FBXL13: variants seen among roughly 807,000 people sequenced by gnomAD.
FBXL13 encodes F-box and leucine-rich repeat protein 13.
A neutral mutation model predicts 83.6 loss-of-function variants in FBXL13; 67 were observed. The observed-to-expected ratio is 0.80, with a 90% CI of 0.66 to 0.98. The LOEUF (loss-of-function observed/expected upper bound fraction) is 0.98, where lower values mean the gene tolerates loss of function less well. Ranked by LOEUF, FBXL13 falls within the 50% of genes least tolerant of loss-of-function variation. FBXL13 has a pLI of 0.00. For synonymous variants in FBXL13, 272 were observed against 299.5 expected (o/e 0.91, Z 0.95); for missense variants, 822 against 866.5 (o/e 0.95, Z 0.64).
intron 2 of FBXL13, among the ~76,000 whole-genome samples, chr7:103,040,570 G>A (rs143619505): frequency 0.011 from 1,672 of 152,128 alleles, 35 homozygotes; most frequent in African/African-American, 0.039. Context: ...CCACATAATT[G>A]GTAGTAAAAC....
chr7:102,834,283 C>A (rs1442321805), intron 17 of FBXL13, among the ~76,000 whole-genome samples: 3 of 149,914 alleles, frequency 2.0e-5, no homozygotes, highest in African/African-American at 7.3e-5. Context: ...AAGTTAGAGA[C>A]CTCAGTAAAT....
chr7:102,944,228 C>CA (rs1265469981), intron 8 of FBXL13: 1 of 1,607,886 alleles, frequency 6.2e-7, no homozygotes. Context: ...TTAGGGCTCA[C>CA]ACATTTAGAA....
chr7:102,935,242 C>CTTTTTTTTTTTTTTTTTT (rs71106700), intron 8 of FBXL13, among the ~76,000 whole-genome samples: 4 of 76,402 alleles, frequency 5.2e-5, no homozygotes, highest in African/African-American at 2.3e-4. Context: ...TTTTTTCTTT[C>CTTTTTTTTTTTTTTTTTT]TTTTTTTTTT....
rs190146923 is a variant in FBXL13 at position 102,849,285 on chromosome 7, A to G, written c.1719+5492T>C. The stretch of plus-strand genomic sequence containing the variant: ...TAATCATTGAATGTCTGTTGTTCTC[A>G]GAAAAGAACTAACGTTGGAGAAAGT... On this transcript the variant is annotated intron_variant, in intron 17 of 19. Transcript: ENST00000313221. Among the ~76,000 whole-genome samples the G allele has an allele frequency of 3.9e-5, 6 of 152,352 alleles. 1 individual carries two copies. The highest frequency in any genetic ancestry group is 2.6e-4 in the Admixed American group (4 of 15,306).
intron 2 of FBXL13, among the ~76,000 whole-genome samples, chr7:103,050,232 C>A (rs565471832): frequency 3.3e-4 from 50 of 152,180 alleles, no homozygotes; most frequent in Non-Finnish European, 4.9e-4. Context: ...ATTCATTTAA[C>A]CATTTTGCAC....
Position 103,053,794 on chromosome 7 carries a change from T to C in FBXL13, c.-1+1850A>G, listed in dbSNP as rs180865796. On this transcript the variant is annotated intron_variant, in intron 2 of 19. Transcript: ENST00000313221. ...CACTCCATAGGTCAAAAGTCTGTGG[T>C]TAATAAAGTACTATAAAAACACCTA... 3.1e-3 allele frequency among the ~76,000 whole-genome samples: 477 copies of C among 152,206 alleles called. 2 individuals carry two copies. The highest frequency in any genetic ancestry group is 2.7e-3 in the Non-Finnish European group (184 of 68,004).
intron 6 of FBXL13, among the ~76,000 whole-genome samples, chr7:103,000,232 G>A (rs1406408918): frequency 6.6e-6 from 1 of 152,090 alleles, no homozygotes; most frequent in Non-Finnish European, 1.5e-5. Flanking sequence ...TTCAGGCTGG[G>A]CATGGTGGCT....
rs560270237 is a variant in FBXL13 at position 102,936,614 on chromosome 7, T to C, written c.725-4681A>G. On this transcript the variant is annotated intron_variant, in intron 8 of 19. Transcript: ENST00000313221. Reference sequence around the variant, plus strand: ...TTAGATTGAAAACTGGAATTATATATTTTTAATACTAATACAAAGCTACTC... The same window carrying C: ...TTAGATTGAAAACTGGAATTATATACTTTTAATACTAATACAAAGCTACTC... Among the ~76,000 whole-genome samples the C allele has an allele frequency of 2.6e-5, 4 of 152,326 alleles. No individual in the cohort carries two copies. The South Asian group carries it at 8.3e-4, about 32-fold the overall frequency.
chr7:102,921,846 C>T (rs746402402), intron 10 of FBXL13, among the ~76,000 whole-genome samples: 7 of 152,064 alleles, frequency 4.6e-5, no homozygotes, highest in Non-Finnish European at 1.0e-4. Context: ...AAAGCAGAAG[C>T]TCAACTGAAG....
At chr7:103,070,281 G>A (rs1021682480) in intron 1 of FBXL13, among the ~76,000 whole-genome samples, 3 of 151,930 alleles carry the variant, frequency 2.0e-5, no homozygotes, top group African/African-American at 7.3e-5. Flanking sequence ...ACCCAGGCTG[G>A]AGTGTAATGG....
chr7:102,936,660 A>G (rs954450631), intron 8 of FBXL13, among the ~76,000 whole-genome samples: 3 of 152,246 alleles, frequency 2.0e-5, no homozygotes, highest in African/African-American at 7.2e-5. Context: ...TAGTTAGAAT[A>G]CTTGATATTG....
intron 6 of FBXL13, among the ~76,000 whole-genome samples, chr7:102,971,686 C>G (rs1826692169): frequency 6.6e-6 from 1 of 151,766 alleles, no homozygotes; most frequent in South Asian, 2.1e-4. Flanking sequence ...TTACCTGAGC[C>G]CAAGAATTGA....
chr7:102,997,388 T>C (rs1371198281), intron 6 of FBXL13, among the ~76,000 whole-genome samples: 1 of 152,186 alleles, frequency 6.6e-6, no homozygotes, highest in Non-Finnish European at 1.5e-5. Context: ...AACTGGGATA[T>C]TAATCACCTC....
intron 11 of FBXL13, among the ~76,000 whole-genome samples, chr7:102,888,400 A>G (rs1398467346): frequency 6.6e-6 from 1 of 152,210 alleles, no homozygotes; most frequent in East Asian, 1.9e-4. Context: ...TTAGCCAGGC[A>G]TGGTGGCACA....
rs190406852 is a variant in FBXL13 at position 102,967,233 on chromosome 7, T to C, written c.591+789A>G. ...TCGGCCTCCCAGAGTGCTTGGATTA[T>C]AGGCGTGAGCTACTGCACCCAGCCA... On this transcript the variant is annotated intron_variant, in intron 7 of 19. Transcript: ENST00000313221. 1.5e-4 allele frequency among the ~76,000 whole-genome samples: 23 copies of C among 151,842 alleles called. No homozygotes were observed. The East Asian group carries it at 4.3e-3, about 28-fold the overall frequency.
chr7:102,916,203 T>C (rs1367658034), intron 10 of FBXL13, among the ~76,000 whole-genome samples: 1 of 152,116 alleles, frequency 6.6e-6, no homozygotes, highest in East Asian at 1.9e-4. Flanking sequence ...GCCAGACTGG[T>C]CTCAAACTCT....
chr7:102,872,011 CCCT>C (rs1808593608), intron 16 of FBXL13, among the ~76,000 whole-genome samples: 1 of 152,122 alleles, frequency 6.6e-6, no homozygotes, highest in Non-Finnish European at 1.5e-5. Flanking sequence ...ACTATGACTC[CCCT>C]ACACATCACC....
chr7:102,960,301 GA>G (rs1454710036), intron 8 of FBXL13, among the ~76,000 whole-genome samples: 2 of 151,994 alleles, frequency 1.3e-5, no homozygotes, highest in African/African-American at 4.8e-5. Context: ...TTGAATCTCT[GA>G]ATAGACCAAT....
rs1819246149 is a variant in FBXL13, at chr7:102,931,904, C to CATTCA, written c.749_753dup (p.Val252Ter). 1 of 1,613,512 alleles carries CATTCA rather than the reference C, an allele frequency of 6.2e-7. No individual in the cohort carries two copies. Among genetic ancestry groups the CATTCA allele is most frequent in the Non-Finnish European group, 8.5e-7 (1 of 1,179,778 alleles). ...ACTGTGAATGTTGGGCAGTCAGAGACATTCAACTCTTGCAAGTTCCTACAG... is the reference window on the plus strand; with the variant it reads ...ACTGTGAATGTTGGGCAGTCAGAGACATTCAATTCAACTCTTGCAAGTTCCTACAG... On this transcript the variant is annotated stop_gained and frameshift_variant, in exon 9 of 20. Transcript: ENST00000313221. LOFTEE classifies it high-confidence loss of function.
Sources: allele counts gnomAD v4.1 joint callset (sites outside exome capture counted in the v4.1 genomes callset), GRCh38; gene constraint gnomAD v4.1.1; transcripts MANE v1.5; gene names NCBI Gene and HGNC (gene_info 2026-07-23, HGNC 2026-07-21).